Variants in DTNB observed in about 807,000 individuals in gnomAD.
The protein encoded by DTNB is dystrobrevin beta.
A neutral mutation model predicts 90.7 loss-of-function variants in DTNB; 63 were observed. The ratio of observed to expected loss-of-function variants is 0.69; its 90% CI spans 0.57 to 0.86. DTNB has a LOEUF of 0.86. DTNB is among the 40% of genes least tolerant of loss of function. The pLI, the probability that DTNB is intolerant of heterozygous loss-of-function variation, is 0.00. For synonymous variants in DTNB, 277 were observed against 286.7 expected (o/e 0.97, Z 0.34); for missense variants, 744 against 807.1 (o/e 0.92, Z 0.95).
chr2:25,595,958 C>T (rs1202629350), intron 6 of DTNB, 128 bp downstream of exon 6: 1 of 960,572 alleles, frequency 1.0e-6, no homozygotes, highest in African/African-American at 1.8e-5. Context: ...CTCCCCACCA[C>T]CTTTAAAGCT....
intron 8 of DTNB, among the ~76,000 whole-genome samples, chr2:25,541,282 C>G (rs1211791298): frequency 6.6e-6 from 1 of 151,968 alleles, no homozygotes; most frequent in African/African-American, 2.4e-5. Flanking sequence ...AGTCCAAGAC[C>G]AGCCTGGTCA....
chr2:25,423,256 A>G (rs1158945762), intron 15 of DTNB, among the ~76,000 whole-genome samples: 1 of 152,186 alleles, frequency 6.6e-6, no homozygotes, highest in Admixed American at 6.5e-5. Context: ...TTGATCAGGG[A>G]TTGAGTCTAG....
intron 14 of DTNB, among the ~76,000 whole-genome samples, chr2:25,430,220 G>A (rs2053404749): frequency 6.6e-6 from 1 of 151,868 alleles, no homozygotes; most frequent in Non-Finnish European, 1.5e-5. Context: ...TATTGACATT[G>A]CACAATATTT....
chr2:25,573,714 C>T (rs1377109887), intron 8 of DTNB, among the ~76,000 whole-genome samples: 1 of 152,152 alleles, frequency 6.6e-6, no homozygotes, highest in Non-Finnish European at 1.5e-5. Flanking sequence ...AATTGGTTAC[C>T]ACTATATAAC....
intron 1 of DTNB, among the ~76,000 whole-genome samples, chr2:25,672,438 T>C (rs2086230123): frequency 6.6e-6 from 1 of 152,086 alleles, no homozygotes; most frequent in African/African-American, 2.4e-5. Context: ...TATTTCTAGA[T>C]GGGAAGGAAG....
intron 16 of DTNB, among the ~76,000 whole-genome samples, chr2:25,388,839 T>C (rs1558307557): frequency 6.6e-6 from 1 of 152,194 alleles, no homozygotes; most frequent in Admixed American, 6.5e-5. Context: ...TGTATGTATA[T>C]ATTTATATAC....
At chr2:25,489,715 T>C (rs2066959872) in intron 9 of DTNB, among the ~76,000 whole-genome samples, 2 of 151,912 alleles carry the variant, frequency 1.3e-5, no homozygotes, top group Non-Finnish European at 2.9e-5. Context: ...AATATAGGTC[T>C]ATGAATAGAG....
intron 6 of DTNB, among the ~76,000 whole-genome samples, chr2:25,593,505 G>A (rs985703103): frequency 1.3e-5 from 2 of 151,826 alleles, no homozygotes; most frequent in Non-Finnish European, 2.9e-5. Flanking sequence ...TTCCCCTGAG[G>A]GTTTTTTCTT....
rs561898958 is a variant in DTNB, at chr2:25,652,823, A to T, written c.-1-162T>A. 28 of 556,532 alleles carry T rather than the reference A, an allele frequency of 5.0e-5. No homozygotes were observed. In the East Asian group the frequency reaches 6.8e-4, roughly 14 times the overall value. The allele number at this position is 556,532 out of a possible 1,614,324, so 34.5% of individuals were successfully genotyped here. A position where few individuals can be genotyped will look rare whatever the true frequency, so the allele number is the denominator to read the frequency against. On this transcript the variant is annotated intron_variant, in intron 1 of 20. Coordinates refer to ENST00000406818, the MANE Select transcript of DTNB (RefSeq NM_021907.5). Reference sequence around the variant, plus strand: ...GGAAGCCTGATTCAGAAAAAGATAAACTGCCATCCTTTTATTTGATAGCTT... The same window carrying T: ...GGAAGCCTGATTCAGAAAAAGATAATCTGCCATCCTTTTATTTGATAGCTT...
At chr2:25,540,282 T>C (rs1413308489) in intron 8 of DTNB, among the ~76,000 whole-genome samples, 1 of 152,246 alleles carries the variant, frequency 6.6e-6, no homozygotes, top group South Asian at 2.1e-4. Flanking sequence ...CATAACTGCG[T>C]TCATTTCCCC....
chr2:25,578,826 G>C (rs138040469), intron 7 of DTNB, among the ~76,000 whole-genome samples: 3 of 152,018 alleles, frequency 2.0e-5, no homozygotes, highest in Non-Finnish European at 4.4e-5. Flanking sequence ...CTTATGCATA[G>C]TAATGTCAAT....
chr2:25,407,933 A>G (rs879542057), intron 16 of DTNB, among the ~76,000 whole-genome samples: 1 of 152,198 alleles, frequency 6.6e-6, no homozygotes, highest in Non-Finnish European at 1.5e-5. Flanking sequence ...AATAAAAAAA[A>G]TATTTAACAA....
intron 8 of DTNB, among the ~76,000 whole-genome samples, chr2:25,567,318 C>T (rs1042133729): frequency 5.3e-5 from 8 of 152,116 alleles, no homozygotes; most frequent in African/African-American, 1.9e-4. Context: ...AGAGGGACAC[C>T]AGTCACATGG....
At chr2:25,595,880 C>T (rs1020780060) in intron 6 of DTNB, among the ~76,000 whole-genome samples, 5 of 118,394 alleles carry the variant, frequency 4.2e-5, no homozygotes, top group Non-Finnish European at 8.6e-5. Context: ...AAAGACACCA[C>T]CCCCCCACCC....
chr2:25,570,824 T>C (rs2059756962), intron 8 of DTNB, among the ~76,000 whole-genome samples: 1 of 152,246 alleles, frequency 6.6e-6, no homozygotes, highest in Non-Finnish European at 1.5e-5. Flanking sequence ...ATTCTCTTCA[T>C]GGTGTAAGTG....
At chr2:25,539,150 C>T (rs1323612677) in intron 8 of DTNB, among the ~76,000 whole-genome samples, 1 of 152,166 alleles carries the variant, frequency 6.6e-6, no homozygotes, top group Admixed American at 6.5e-5. Flanking sequence ...ATCCATTCCA[C>T]TGCTGACAAA....
At chr2:25,499,110 G>A (rs549783807) in intron 9 of DTNB, among the ~76,000 whole-genome samples, 14 of 151,808 alleles carry the variant, frequency 9.2e-5, no homozygotes, top group South Asian at 6.3e-4. Flanking sequence ...CCAGCTACTC[G>A]GGAGGCTGAG....
intron 9 of DTNB, among the ~76,000 whole-genome samples, chr2:25,494,014 A>G (rs1377294847): frequency 6.6e-6 from 1 of 152,212 alleles, no homozygotes; most frequent in East Asian, 1.9e-4. Flanking sequence ...AATCCTATGA[A>G]GTTAACAGTT....
At chr2:25,455,671 A>C (rs1443339944) in intron 10 of DTNB, among the ~76,000 whole-genome samples, 177 bp from the exon 11 acceptor site, 2 of 152,266 alleles carry the variant, frequency 1.3e-5, no homozygotes, top group Admixed American at 6.5e-5. Context: ...ATCCTCAGGA[A>C]TCCATCTCTC....
Sources: allele counts gnomAD v4.1 joint callset (sites outside exome capture counted in the v4.1 genomes callset), GRCh38; gene constraint gnomAD v4.1.1; transcripts MANE v1.5; gene names NCBI Gene and HGNC (gene_info 2026-07-23, HGNC 2026-07-21).